Variants in CA10 observed in about 807,000 individuals in gnomAD.
CA10 encodes carbonic anhydrase 10 (inactive).
Under a neutral mutation model 44.2 loss-of-function variants are expected in CA10, and 14 were observed. The observed-to-expected ratio is 0.32, with a 90% CI of 0.21 to 0.50. The LOEUF (loss-of-function observed/expected upper bound fraction) is 0.50, where lower values mean the gene tolerates loss of function less well. Among genes scored for constraint, CA10 ranks in the 20% least tolerant of loss-of-function variants. The pLI is 0.99. For synonymous variants in CA10, 159 were observed against 141.6 expected, an observed-to-expected ratio of 1.12 and a Z score of -0.87; for missense variants, 350 against 409.7, an observed-to-expected ratio of 0.85 and a Z score of 1.26.
intron 6 of CA10, among the ~76,000 whole-genome samples, chr17:51,642,725 C>T (rs1484980525): frequency 6.6e-6 from 1 of 152,100 alleles, no homozygotes; most frequent in African/African-American, 2.4e-5. Context: ...TCACTGTAAC[C>T]TCCGCCTCCC....
At chr17:51,794,637 A>G (rs2143703747) in intron 3 of CA10, among the ~76,000 whole-genome samples, 1 of 152,354 alleles carries the variant, frequency 6.6e-6, no homozygotes, top group African/African-American at 2.4e-5. Context: ...AACATTCAAC[A>G]TCATCAATTT....
At chr17:52,139,864 A>T (rs1459380616) in intron 1 of CA10, among the ~76,000 whole-genome samples, 1 of 152,206 alleles carries the variant, frequency 6.6e-6, no homozygotes, top group East Asian at 1.9e-4. Flanking sequence ...AGTGCCTGTT[A>T]GGTTCTAATA....
intron 3 of CA10, among the ~76,000 whole-genome samples, chr17:51,904,820 T>C (rs1296744227): frequency 6.6e-6 from 1 of 152,104 alleles, no homozygotes; most frequent in African/African-American, 2.4e-5. Flanking sequence ...ATGCATGTAA[T>C]ACAAACCCTA....
At chr17:52,138,251 G>C (rs928046784) in intron 1 of CA10, among the ~76,000 whole-genome samples, 1 of 151,976 alleles carries the variant, frequency 6.6e-6, no homozygotes, top group Non-Finnish European at 1.5e-5. Context: ...TTCTGACTCT[G>C]ATCATTCTGC....
chr17:51,931,931 C>G (rs1982680584), intron 2 of CA10, among the ~76,000 whole-genome samples: 1 of 152,154 alleles, frequency 6.6e-6, no homozygotes, highest in Non-Finnish European at 1.5e-5. Context: ...AATTTTATAT[C>G]AGTGAAGATC....
At chr17:51,812,299 T>A (rs1300247758) in intron 3 of CA10, among the ~76,000 whole-genome samples, 1 of 152,240 alleles carries the variant, frequency 6.6e-6, no homozygotes, top group East Asian at 1.9e-4. Context: ...TTCATAATTT[T>A]ACGTTTTTTT....
At chr17:52,001,381 T>C (rs1985420081) in intron 2 of CA10, among the ~76,000 whole-genome samples, 1 of 152,000 alleles carries the variant, frequency 6.6e-6, no homozygotes, top group Non-Finnish European at 1.5e-5. Flanking sequence ...TATATTGATT[T>C]AGTCTAAAAA....
chr17:52,052,122 C>T (rs1382564071), intron 2 of CA10, among the ~76,000 whole-genome samples: 2 of 151,438 alleles, frequency 1.3e-5, no homozygotes, highest in East Asian at 3.9e-4. Context: ...ATACTGGGGC[C>T]TTTCAGAGGG....
At chr17:52,101,761 A>G (rs536148000) in intron 1 of CA10, among the ~76,000 whole-genome samples, 4 of 152,252 alleles carry the variant, frequency 2.6e-5, no homozygotes, top group Admixed American at 6.5e-5. Context: ...TGGGGTGTGT[A>G]TTCTTCTCAA....
intron 3 of CA10, chr17:51,748,555 A>C: frequency 5.2e-6 from 1 of 192,134 alleles, no homozygotes; most frequent in Non-Finnish European, 7.2e-6. Flanking sequence ...GACCTCAACA[A>C]CAATTGATTC....
chr17:51,934,070 A>G (rs1982769600), intron 2 of CA10, among the ~76,000 whole-genome samples: 1 of 152,122 alleles, frequency 6.6e-6, no homozygotes, highest in African/African-American at 2.4e-5. Context: ...TCGAGGAAGA[A>G]GTGAGAAACC....
chr17:51,981,050 C>T (rs1169563276), intron 2 of CA10, among the ~76,000 whole-genome samples: 1 of 152,086 alleles, frequency 6.6e-6, no homozygotes, highest in Non-Finnish European at 1.5e-5. Flanking sequence ...GGTGAAACAA[C>T]TCCAATACCC....
intron 1 of CA10, among the ~76,000 whole-genome samples, chr17:52,114,195 T>C (rs577254395): frequency 6.6e-6 from 1 of 152,356 alleles, no homozygotes; most frequent in South Asian, 2.1e-4. Context: ...ATTTCCTAGA[T>C]GTTTGGGGAA....
chr17:51,881,636 A>G (rs1257861336), intron 3 of CA10, among the ~76,000 whole-genome samples: 1 of 152,240 alleles, frequency 6.6e-6, no homozygotes, highest in African/African-American at 2.4e-5. Context: ...CAATTTACAA[A>G]CAAATACAAA....
chr17:52,007,360 G>A (rs1985635551), intron 2 of CA10, among the ~76,000 whole-genome samples: 1 of 151,540 alleles, frequency 6.6e-6, no homozygotes, highest in Non-Finnish European at 1.5e-5. Flanking sequence ...CATAAGTAAG[G>A]TGTTTGCTAG....
At chr17:51,752,500 G>A (rs1217797415) in intron 3 of CA10, among the ~76,000 whole-genome samples, 1 of 152,016 alleles carries the variant, frequency 6.6e-6, no homozygotes. Context: ...GGAAGTAAGC[G>A]GGGGCTGGTG....
intron 3 of CA10, among the ~76,000 whole-genome samples, chr17:51,774,471 G>A (rs919763447): frequency 4.0e-5 from 6 of 150,010 alleles, no homozygotes; most frequent in Non-Finnish European, 8.9e-5. Flanking sequence ...GTGGAGTCTC[G>A]CTCTGTTGCC....
At chr17:52,081,130 C>G (rs1454826328) in intron 1 of CA10, among the ~76,000 whole-genome samples, 1 of 151,960 alleles carries the variant, frequency 6.6e-6, no homozygotes, top group Non-Finnish European at 1.5e-5. Context: ...GAACTGAATT[C>G]AAATATATAA....
chr17:52,061,148 A>C (rs1440990830), intron 2 of CA10, among the ~76,000 whole-genome samples: 1 of 152,198 alleles, frequency 6.6e-6, no homozygotes, highest in African/African-American at 2.4e-5. Flanking sequence ...TATTTTGCAG[A>C]TATGATTATG....
Sources: gnomAD v4.1 joint callset for allele counts (sites outside exome capture counted in the v4.1 genomes callset) on GRCh38, gnomAD v4.1.1 for gene constraint, MANE v1.5 for transcripts, NCBI Gene and HGNC (gene_info 2026-07-23, HGNC 2026-07-21) for gene names.